Variants in PCDH11X observed in about 807,000 individuals in gnomAD.
PCDH11X encodes the protein protocadherin-11 X-linked.
PCDH11X carries 18 observed loss-of-function variants against 53.3 expected under a neutral mutation model. That is an observed-to-expected ratio of 0.34 (90% CI 0.23 to 0.50). The LOEUF (loss-of-function observed/expected upper bound fraction) is 0.50, where lower values mean the gene tolerates loss of function less well. Ranked by LOEUF, PCDH11X falls within the 20% of genes least tolerant of loss-of-function variation. The pLI, the probability that PCDH11X is intolerant of heterozygous loss-of-function variation, is 0.98. For missense variants in PCDH11X, 570 were observed against 1,032.4 expected (o/e 0.55, Z 6.14); for synonymous variants, 279 against 393.3 (o/e 0.71, Z 3.44).
chrX:91,790,301 C>T (rs1241424194), intron 1 of PCDH11X, among the ~76,000 whole-genome samples: 1 of 111,880 alleles, frequency 8.9e-6, no homozygotes, highest in African/African-American at 3.2e-5. Flanking sequence ...TACGATTATA[C>T]CATTTCAAAA....
Position 92,133,489 on chromosome X carries a change from C to T in PCDH11X, c.3034-67886C>T, listed in dbSNP as rs764808388. Among the ~76,000 whole-genome samples, 5 of 111,657 alleles carry T rather than the reference C, an allele frequency of 4.5e-5. No homozygotes were observed. In the East Asian group the frequency reaches 1.4e-3, roughly 32 times the overall value. On this transcript the variant is annotated intron_variant, in intron 6 of 10. Transcript: ENST00000682573. The stretch of plus-strand genomic sequence containing the variant: ...TCAAGCGATTCTCCTGCCTCAGCCT[C>T]CCGAGTAGCTGGGATTGCAGGAGCC...
chrX:91,964,679 G>A (rs1184634486), intron 6 of PCDH11X, among the ~76,000 whole-genome samples: 2 of 112,032 alleles, frequency 1.8e-5, no homozygotes, highest in African/African-American at 3.2e-5. Flanking sequence ...AAAGTGTGGG[G>A]TTTTCTTTCC....
chrX:92,352,872 G>A (rs2070090448), intron 8 of PCDH11X, among the ~76,000 whole-genome samples: 2 of 110,412 alleles, frequency 1.8e-5, no homozygotes, highest in Admixed American at 9.7e-5. Context: ...TTGTCTCCCA[G>A]GTCCTGTAGG....
intron 6 of PCDH11X, among the ~76,000 whole-genome samples, chrX:92,148,173 CTTCTTTCTTTCT>C (rs1260262520): frequency 1.2e-4 from 1 of 8,394 alleles, no homozygotes; most frequent in South Asian, 8.0e-3. Flanking sequence ...TCCTTCCTTC[CTTCTTTCTTTCT>C]TTCTTTCTTT....
chrX:92,391,681 G>A (rs960739189), intron 9 of PCDH11X, among the ~76,000 whole-genome samples: 6 of 111,236 alleles, frequency 5.4e-5, no homozygotes, highest in African/African-American at 1.6e-4. Context: ...AATACTCTAT[G>A]TTTATGAAGC....
intron 10 of PCDH11X, among the ~76,000 whole-genome samples, chrX:92,597,485 G>A (rs1925756381): frequency 9.0e-6 from 1 of 110,801 alleles, no homozygotes; most frequent in East Asian, 2.8e-4. Flanking sequence ...GTAAAAGATC[G>A]CTATAATAAA....
intron 8 of PCDH11X, among the ~76,000 whole-genome samples, chrX:92,320,412 C>T (rs2069173938): frequency 9.1e-6 from 1 of 110,170 alleles, no homozygotes; most frequent in African/African-American, 3.3e-5. Flanking sequence ...CTCTCTCTTT[C>T]TTTCTCTCTC....
intron 6 of PCDH11X, among the ~76,000 whole-genome samples, chrX:92,127,102 A>G (rs183355440): frequency 9.0e-6 from 1 of 111,470 alleles, no homozygotes; most frequent in East Asian, 2.8e-4. Context: ...AAACAGAGAT[A>G]TATGAATCTA....
At chrX:92,342,582 C>G (rs1374265561) in intron 8 of PCDH11X, among the ~76,000 whole-genome samples, 1 of 111,814 alleles carries the variant, frequency 8.9e-6, no homozygotes, top group African/African-American at 3.3e-5. Flanking sequence ...GGCCATTTTC[C>G]TAAGTGAACA....
chrX:91,797,647 A>T, intron 1 of PCDH11X, among the ~76,000 whole-genome samples: 1 of 109,827 alleles, frequency 9.1e-6, no homozygotes, highest in Non-Finnish European at 1.9e-5. Context: ...CATCTAGTTG[A>T]ATCAATCAAT....
At chrX:92,005,360 T>C (rs2062581696) in intron 6 of PCDH11X, among the ~76,000 whole-genome samples, 1 of 111,525 alleles carries the variant, frequency 9.0e-6, no homozygotes, top group South Asian at 3.8e-4. Flanking sequence ...ATGTATCCAT[T>C]ATATGCTTTT....
chrX:92,251,731 T>C (rs775947103), intron 7 of PCDH11X, among the ~76,000 whole-genome samples: 2 of 111,113 alleles, frequency 1.8e-5, no homozygotes, highest in Non-Finnish European at 3.8e-5. Flanking sequence ...GTGACGACTG[T>C]AGTATCAATG....
intron 5 of PCDH11X, among the ~76,000 whole-genome samples, chrX:91,869,482 AGAG>A (rs1407848285): frequency 1.1e-4 from 12 of 111,503 alleles, no homozygotes; most frequent in Admixed American, 2.9e-4. Context: ...CCTTTTCATA[AGAG>A]GAGAAGTAAG....
At chrX:92,149,489 A>G (rs202089050) in intron 6 of PCDH11X, among the ~76,000 whole-genome samples, 27 of 72,087 alleles carry the variant, frequency 3.7e-4, no homozygotes, top group East Asian at 0.012. Context: ...GTGTGTGTGT[A>G]TATATATATA....
intron 10 of PCDH11X, among the ~76,000 whole-genome samples, chrX:92,473,226 CT>C (rs1441680650): frequency 9.3e-6 from 1 of 107,517 alleles, no homozygotes; most frequent in Non-Finnish European, 1.9e-5. Context: ...TTTCTTCTGG[CT>C]TTTTCCATTT....
At chrX:92,267,306 A>G (rs1347802745) in intron 8 of PCDH11X, among the ~76,000 whole-genome samples, 1 of 112,266 alleles carries the variant, frequency 8.9e-6, no homozygotes, top group Non-Finnish European at 1.9e-5. Flanking sequence ...GCTAAACTGA[A>G]TATGGCAGAA....
At chrX:92,422,672 C>A (rs1334957456) in intron 9 of PCDH11X, among the ~76,000 whole-genome samples, 1 of 111,003 alleles carries the variant, frequency 9.0e-6, no homozygotes, top group East Asian at 2.8e-4. Flanking sequence ...GGTAGATATT[C>A]GGTAGTGGGA....
intron 1 of PCDH11X, among the ~76,000 whole-genome samples, chrX:91,796,941 C>T (rs951228468): frequency 1.1e-3 from 126 of 110,941 alleles, no homozygotes; most frequent in African/African-American, 3.9e-3. Flanking sequence ...AACCAGAATG[C>T]GAAATATAAA....
intron 7 of PCDH11X, among the ~76,000 whole-genome samples, chrX:92,203,808 T>TG (rs1171632669): frequency 9.0e-6 from 1 of 111,698 alleles, no homozygotes; most frequent in African/African-American, 3.3e-5. Flanking sequence ...ACTTCCTAAG[T>TG]GGGGGTCACA....
Sources: allele counts gnomAD v4.1 joint callset (sites outside exome capture counted in the v4.1 genomes callset), GRCh38; gene constraint gnomAD v4.1.1; transcripts MANE v1.5; gene names NCBI Gene and HGNC (gene_info 2026-07-23, HGNC 2026-07-21).